Variants in PCDHGA2 observed in about 807,000 individuals in gnomAD.
The protein encoded by PCDHGA2 is protocadherin gamma-A2.
PCDHGA2 carries 40 observed loss-of-function variants against 59.2 expected under a neutral mutation model. The observed-to-expected ratio is 0.68, with a 90% CI of 0.52 to 0.88. The LOEUF is 0.88. Among genes scored for constraint, PCDHGA2 ranks in the 40% least tolerant of loss-of-function variants. PCDHGA2 has a pLI of 0.00. For missense variants in PCDHGA2, 1,226 were observed against 1,204.0 expected (o/e 1.02, Z -0.27); for synonymous variants, 560 against 526.0 (o/e 1.06, Z -0.89).
chr5:141,403,773 A>T, intron 1 of PCDHGA2: 1 of 1,613,956 alleles, frequency 6.2e-7, no homozygotes, highest in South Asian at 1.1e-5. Context: ...GAGGGAATCA[A>T]CGGAAAAGTG....
At chr5:141,373,959 T>A (rs1045656006) in intron 1 of PCDHGA2, 78 of 924,258 alleles carry the variant, frequency 8.4e-5, no homozygotes, top group Admixed American at 1.4e-4. Context: ...AATTCTGACC[T>A]GAAACGCTTC....
chr5:141,393,465 G>A lies in PCDHGA2; in HGVS notation c.2424+52070G>A, dbSNP rs776962387. The stretch of plus-strand genomic sequence containing the variant: ...CCTGGTCCTCACGGCCTCGGATGGC[G>A]GCAAGCCGCCTCGCTCTAGCACAGT... On this transcript the variant is annotated intron_variant, in intron 1 of 3. Transcript: ENST00000394576. 23 of 1,614,048 alleles carry A rather than the reference G, an allele frequency of 1.4e-5. No homozygotes were observed. The East Asian group carries it at 5.1e-4, about 36-fold the overall frequency.
intron 1 of PCDHGA2, chr5:141,351,578 G>A (rs758216831): frequency 1.3e-4 from 213 of 1,613,878 alleles, no homozygotes; most frequent in Non-Finnish European, 1.8e-4. Context: ...GCACATCTCC[G>A]ACATCAACGA....
chr5:141,406,757 A>C (rs1274112027), intron 1 of PCDHGA2, among the ~76,000 whole-genome samples: 3 of 152,230 alleles, frequency 2.0e-5, no homozygotes, highest in Non-Finnish European at 4.4e-5. Context: ...CAAAACAAGG[A>C]ATTAAAAATA....
At chr5:141,422,153 AT>A (rs750082013) in intron 1 of PCDHGA2, 4 of 1,575,250 alleles carry the variant, frequency 2.5e-6, no homozygotes, top group Non-Finnish European at 3.4e-6. Context: ...GGGTCTCTGG[AT>A]TTTGAAAAAT....
At position 141,476,499 on chromosome 5, in the gene PCDHGA2, T is replaced by A. The variant is rs763373223; in HGVS notation, c.2425-18308T>A. On this transcript the variant is annotated intron_variant, in intron 1 of 3. Coordinates refer to ENST00000394576, the MANE Select transcript of PCDHGA2 (RefSeq NM_018915.4). This position sits in a 1 kb window ranked among gnomAD's most constrained non-coding sequence, Gnocchi z 7.6. Reference sequence around the variant, plus strand: ...AGCGTGGAAGTGGTGATCCAGGACATCAACGACAACAATCCTGCTTTCCCT... The same window carrying A: ...AGCGTGGAAGTGGTGATCCAGGACAACAACGACAACAATCCTGCTTTCCCT... 3.1e-6 allele frequency: 5 copies of A among 1,613,992 alleles called. No individual in the cohort carries two copies. The South Asian group carries it at 5.5e-5, about 18-fold the overall frequency.
Position 141,489,601 on chromosome 5 carries a change from G to A in PCDHGA2, c.2425-5206G>A. On this transcript the variant is annotated intron_variant, in intron 1 of 3. Transcript: ENST00000394576. This position sits in a 1 kb window ranked among gnomAD's most constrained non-coding sequence, Gnocchi z 4.5. ...CCCCCTGGAGCTAATCCGTGTAGAG[G>A]TAGAGATCCTGGATCTCAATGACAA... 2 of 1,614,042 alleles carry A rather than the reference G, an allele frequency of 1.2e-6. No individual in the cohort carries two copies. Among genetic ancestry groups the A allele is most frequent in the East Asian group, 4.5e-5 (2 of 44,882 alleles).
At chr5:141,395,174 AAATGATT>A in intron 1 of PCDHGA2, 1 of 1,614,220 alleles carries the variant, frequency 6.2e-7, no homozygotes, top group Non-Finnish European at 8.5e-7. Flanking sequence ...GCTGTGAGAA[AAATGATT>A]CTTTGTTAAC....
At chr5:141,414,099 A>G in intron 1 of PCDHGA2, 1 of 1,593,504 alleles carries the variant, frequency 6.3e-7, no homozygotes, top group Non-Finnish European at 8.5e-7. Flanking sequence ...TAAAAATATC[A>G]GAAAATCTAG....
chr5:141,426,719 A>G (rs776136674), intron 1 of PCDHGA2: 2 of 446,424 alleles, frequency 4.5e-6, no homozygotes, highest in Non-Finnish European at 9.1e-6. Context: ...ATGAACTAGC[A>G]ATTCCAGGCA....
rs377389968 is a variant in PCDHGA2, at chr5:141,404,840, C to T, written c.2424+63445C>T. On this transcript the variant is annotated intron_variant, in intron 1 of 3. Coordinates refer to ENST00000394576, the MANE Select transcript of PCDHGA2 (RefSeq NM_018915.4). Reference sequence around the variant, plus strand: ...GCACACAGGTGAAGTGCGCACAGCTCGGGCCCTGCTAGATAGAGATGCGCT... The same window carrying T: ...GCACACAGGTGAAGTGCGCACAGCTTGGGCCCTGCTAGATAGAGATGCGCT... 3.5e-5 allele frequency: 57 copies of T among 1,613,700 alleles called. No individual in the cohort carries two copies. The African/African-American group carries it at 6.3e-4, about 18-fold the overall frequency.
At chr5:141,434,462 C>T (rs2097695951) in intron 1 of PCDHGA2, among the ~76,000 whole-genome samples, 1 of 152,156 alleles carries the variant, frequency 6.6e-6, no homozygotes, top group Non-Finnish European at 1.5e-5. Flanking sequence ...GTGGGTTTAC[C>T]GGAATGAGGG....
intron 1 of PCDHGA2, among the ~76,000 whole-genome samples, chr5:141,472,402 G>T (rs569497172): frequency 6.6e-6 from 1 of 152,042 alleles, no homozygotes; most frequent in Non-Finnish European, 1.5e-5. Context: ...TTAGCCAGGC[G>T]TGGTGGCACG....
At chr5:141,505,604 G>T (rs772730114) in intron 3 of PCDHGA2, 123 bp downstream of exon 3, 1 of 1,535,418 alleles carries the variant, frequency 6.5e-7, no homozygotes, top group Non-Finnish European at 8.8e-7. Flanking sequence ...CTTTCGGCAG[G>T]TCTGAAAGGA....
At position 141,433,251 on chromosome 5, in the gene PCDHGA2, C is replaced by T. The variant is rs1022165468; in HGVS notation, c.2425-61556C>T. The T allele has an allele frequency of 1.1e-5, 16 of 1,423,126 alleles. No homozygotes were observed. In the East Asian group the frequency reaches 3.7e-4, roughly 33 times the overall value. 88.2% of individuals were successfully genotyped at this position (1,423,126 alleles called of 1,614,324 possible). A position where few individuals can be genotyped will look rare whatever the true frequency, so the allele number is the denominator to read the frequency against. ...CTCTGTCTCCCAAGCTGGAATGCAGCGGTACGATCATAGCTCACTGCAGCC... is the reference window on the plus strand; with the variant it reads ...CTCTGTCTCCCAAGCTGGAATGCAGTGGTACGATCATAGCTCACTGCAGCC... On this transcript the variant is annotated intron_variant, in intron 1 of 3. Transcript: ENST00000394576.
intron 1 of PCDHGA2, chr5:141,383,792 CA>C: frequency 6.2e-7 from 1 of 1,613,914 alleles, no homozygotes; most frequent in Non-Finnish European, 8.5e-7. Context: ...AACTCGCTTA[CA>C]GGAGAAATAT....
At position 141,344,041 on chromosome 5, in the gene PCDHGA2, A is replaced by G. The variant is rs1366444315; in HGVS notation, c.2424+2646A>G. ...CGATTCACCGAAAAGGAAATGACCA[A>G]TTGCCTGAGTTTCCGAAATGGCAGA... On this transcript the variant is annotated intron_variant, in intron 1 of 3. Transcript: ENST00000394576. 5 of 1,553,536 alleles carry G rather than the reference A, an allele frequency of 3.2e-6. No homozygotes were observed. Among genetic ancestry groups the G allele is most frequent in the African/African-American group, 1.4e-5 (1 of 72,640 alleles).
chr5:141,428,288 A>G (rs1413902705), intron 1 of PCDHGA2: 1 of 728,846 alleles, frequency 1.4e-6, no homozygotes, highest in Middle Eastern at 2.3e-4. Flanking sequence ...TCCCAAGCAA[A>G]GCTGCAGATT....
intron 1 of PCDHGA2, among the ~76,000 whole-genome samples, chr5:141,434,692 A>G (rs891952554): frequency 8.5e-5 from 13 of 152,082 alleles, no homozygotes; most frequent in African/African-American, 2.4e-4. Flanking sequence ...CTTGCTGTTA[A>G]TAAATATGTG....
Sources: allele counts gnomAD v4.1 joint callset (sites outside exome capture counted in the v4.1 genomes callset), GRCh38; gene constraint gnomAD v4.1.1; non-coding constraint Gnocchi (gnomAD v3.1); transcripts MANE v1.5; gene names NCBI Gene and HGNC (gene_info 2026-07-23, HGNC 2026-07-21).